The following GABRG2 variants were observed in gnomAD, a reference collection of about 807,000 sequenced individuals.
GABRG2 encodes the protein gamma-aminobutyric acid type A receptor subunit gamma2.
Under a neutral mutation model 56.4 loss-of-function variants are expected in GABRG2, and 16 were observed. The ratio of observed to expected loss-of-function variants is 0.28; its 90% CI spans 0.19 to 0.43. GABRG2 has a LOEUF of 0.43. GABRG2 is among the 20% of genes least tolerant of loss of function. The pLI is 1.00. For missense variants in GABRG2, 327 were observed against 582.7 expected (o/e 0.56, Z 4.52); for synonymous variants, 208 against 205.5 (o/e 1.01, Z -0.10).
intron 6 of GABRG2, among the ~76,000 whole-genome samples, chr5:162,122,160 T>G (rs1763020374): frequency 6.6e-6 from 1 of 152,032 alleles, no homozygotes; most frequent in Admixed American, 6.6e-5. Flanking sequence ...AAATGCTTAC[T>G]TTAAAATTTG....
chr5:162,138,363 T>A (rs1461353782), intron 6 of GABRG2, among the ~76,000 whole-genome samples: 2 of 152,168 alleles, frequency 1.3e-5, no homozygotes, highest in Non-Finnish European at 2.9e-5. Context: ...CCTCATGGAA[T>A]TATGTCCCCA....
At chr5:162,110,574 G>A (rs1762182876) in intron 6 of GABRG2, among the ~76,000 whole-genome samples, 1 of 151,896 alleles carries the variant, frequency 6.6e-6, no homozygotes. Flanking sequence ...AGAAAAAAAG[G>A]AAAGTTAAAA....
chr5:162,069,180 C>T (rs1246545396), intron 1 of GABRG2, among the ~76,000 whole-genome samples: 1 of 152,110 alleles, frequency 6.6e-6, no homozygotes, highest in African/African-American at 2.4e-5. Flanking sequence ...GCTGACTATT[C>T]GTCTACCTAC....
Position 162,153,583 on chromosome 5 carries a change from C to G in GABRG2, c.*215C>G. The G allele has an allele frequency of 1.6e-6, 1 of 618,796 alleles. No individual in the cohort carries two copies. Among genetic ancestry groups the G allele is most frequent in the Non-Finnish European group, 2.8e-6 (1 of 352,458 alleles). 38.3% of individuals were successfully genotyped at this position (618,796 alleles called of 1,614,324 possible). A position where few individuals can be genotyped will look rare whatever the true frequency, so the allele number is the denominator to read the frequency against. On this transcript the variant is annotated 3_prime_UTR_variant, in exon 10 of 10. Coordinates refer to ENST00000639213, the MANE Select transcript of GABRG2 (RefSeq NM_198904.4). The stretch of plus-strand genomic sequence containing the variant: ...CTTCGATGTTTGCTGTGTTTCAAAC[C>G]TGCAAGGCAAAGTAAAATTAGAGCA...
chr5:162,146,792 TTC>T (rs1372598005), intron 7 of GABRG2, among the ~76,000 whole-genome samples: 2 of 152,208 alleles, frequency 1.3e-5, no homozygotes, highest in African/African-American at 4.8e-5. Flanking sequence ...GATCATCTCT[TTC>T]CTGTATTAAA....
At chr5:162,095,708 T>A (rs568343789) in intron 3 of GABRG2, 146 bp downstream of exon 3, 2 of 644,546 alleles carry the variant, frequency 3.1e-6, no homozygotes, top group Admixed American at 2.6e-5. Context: ...ATCCTTTTTT[T>A]CTTGTAATAT....
rs1758331326 is a variant in GABRG2 at position 162,067,822 on chromosome 5, C to T, written c.-178C>T. 1 of 632,608 alleles carries T rather than the reference C, an allele frequency of 1.6e-6. No homozygotes were observed. Among genetic ancestry groups the T allele is most frequent in the Non-Finnish European group, 2.8e-6 (1 of 357,526 alleles). The allele number at this position is 632,608 out of a possible 1,614,324, so 39.2% of individuals were successfully genotyped here. Reference sequence around the variant, plus strand: ...CTGCAAGCGTTTTTGCTGATCTTATCTCTGCCCCCTGAATATTAATTCCCT... The same window carrying T: ...CTGCAAGCGTTTTTGCTGATCTTATTTCTGCCCCCTGAATATTAATTCCCT... On this transcript the variant is annotated 5_prime_UTR_variant, in exon 1 of 10. Coordinates refer to ENST00000639213, the MANE Select transcript of GABRG2 (RefSeq NM_198904.4).
chr5:162,146,931 G>C (rs368794141), intron 7 of GABRG2, among the ~76,000 whole-genome samples: 9 of 152,308 alleles, frequency 5.9e-5, no homozygotes, highest in Admixed American at 3.3e-4. Context: ...AGAACCACAT[G>C]GTTCTTGGAA....
At position 162,113,055 on chromosome 5, in the gene GABRG2, T is replaced by C. The variant is rs937340353; in HGVS notation, c.769+9029T>C. Among the ~76,000 whole-genome samples the C allele has an allele frequency of 2.6e-5, 4 of 152,174 alleles. No individual in the cohort carries two copies. The East Asian group carries it at 7.7e-4, about 29-fold the overall frequency. On this transcript the variant is annotated intron_variant, in intron 6 of 9. Transcript: ENST00000639213. ...CAACCTCCACCTCCCAGTTCGTGCCTCAGCCTCCCAAGTAGCTGGGATTGC... is the reference window on the plus strand; with the variant it reads ...CAACCTCCACCTCCCAGTTCGTGCCCCAGCCTCCCAAGTAGCTGGGATTGC...
intron 1 of GABRG2, among the ~76,000 whole-genome samples, chr5:162,088,399 T>C (rs1040527214): frequency 6.6e-6 from 1 of 152,190 alleles, no homozygotes; most frequent in African/African-American, 2.4e-5. Flanking sequence ...GTCTCTGTTA[T>C]ATACATTGCT....
chr5:162,089,363 G>A (rs1760383629), intron 1 of GABRG2, among the ~76,000 whole-genome samples: 1 of 152,104 alleles, frequency 6.6e-6, no homozygotes, highest in Non-Finnish European at 1.5e-5. Context: ...GTGAGTCCCT[G>A]TGCATGTGGT....
intron 4 of GABRG2, chr5:162,099,936 A>G (rs552345410): frequency 6.6e-6 from 1 of 152,300 alleles, no homozygotes; most frequent in South Asian, 2.1e-4. Flanking sequence ...AATTTTAATA[A>G]TTCCAGTTTA....
chr5:162,097,599 C>G (rs746024621), intron 3 of GABRG2, 39 bp from the exon 4 acceptor site: 6 of 1,382,294 alleles, frequency 4.3e-6, no homozygotes, highest in Admixed American at 3.4e-5. Flanking sequence ...GATAATCTTA[C>G]TGTGTACAAA....
chr5:162,098,525 A>C (rs1415800598), intron 4 of GABRG2: 1 of 152,604 alleles, frequency 6.6e-6, no homozygotes, highest in Non-Finnish European at 1.5e-5. Context: ...AAACATTTTT[A>C]CATTGAATTT....
intron 6 of GABRG2, among the ~76,000 whole-genome samples, chr5:162,114,583 T>C (rs905345301): frequency 6.6e-6 from 1 of 151,952 alleles, no homozygotes; most frequent in Non-Finnish European, 1.5e-5. Context: ...AAAGAGGATT[T>C]TTCTATCACA....
intron 1 of GABRG2, among the ~76,000 whole-genome samples, chr5:162,090,255 CAT>C (rs1760456734): frequency 6.6e-6 from 1 of 152,016 alleles, no homozygotes; most frequent in African/African-American, 2.4e-5. Flanking sequence ...AACACATACA[CAT>C]ACACGTACAC....
At chr5:162,101,103 A>C (rs910644730) in intron 4 of GABRG2, 132 bp from the exon 5 acceptor site, 2 of 712,150 alleles carry the variant, frequency 2.8e-6, no homozygotes, top group African/African-American at 3.5e-5. Context: ...GGATTTCTTC[A>C]TTGGGGATCA....
rs556738049 is a variant in GABRG2, at chr5:162,085,714, TC to T, written c.108-8112del. On this transcript the variant is annotated intron_variant, in intron 1 of 9. Coordinates refer to ENST00000639213, the MANE Select transcript of GABRG2 (RefSeq NM_198904.4). ...GGTGCCCATCAGTTATTTTTCCTGA[TC>T]CTCTCCCTCCTCCTACCCTTCACTC... Among the ~76,000 whole-genome samples, 834 of 151,974 alleles carry T rather than the reference TC, an allele frequency of 5.5e-3. 12 individuals carry two copies. The highest frequency in any genetic ancestry group is 0.018 in the African/African-American group (764 of 41,502).
intron 1 of GABRG2, among the ~76,000 whole-genome samples, chr5:162,076,434 G>A (rs1482976909): frequency 1.3e-5 from 2 of 152,116 alleles, no homozygotes; most frequent in African/African-American, 4.8e-5. Context: ...ACTTGTATGA[G>A]ATAAGCAAAT....
Sources: gnomAD v4.1 joint callset for allele counts (sites outside exome capture counted in the v4.1 genomes callset) on GRCh38, gnomAD v4.1.1 for gene constraint, MANE v1.5 for transcripts, NCBI Gene and HGNC (gene_info 2026-07-23, HGNC 2026-07-21) for gene names.